The following IL3RA variants were observed in gnomAD, a reference collection of about 807,000 sequenced individuals.
IL3RA encodes interleukin 3 receptor subunit alpha, also known as interleukin-3 receptor subunit alpha.
A neutral mutation model predicts 52.3 loss-of-function variants in IL3RA; 73 were observed. The ratio of observed to expected loss-of-function variants is 1.40; its 90% CI spans 1.16 to 1.70. The LOEUF is 1.70. Among genes scored for constraint, IL3RA ranks in the 40% most tolerant of loss-of-function variants. The probability of loss-of-function intolerance (pLI) is 0.00; values close to 1 mark genes in which losing one functional copy is unlikely to be tolerated. For synonymous variants in IL3RA, 260 were observed against 194.0 expected, an observed-to-expected ratio of 1.34 and a Z score of -2.83; for missense variants, 664 against 504.4, an observed-to-expected ratio of 1.32 and a Z score of -3.03.
chrX:1,339,289 T>C (rs1426304130), intron 1 of IL3RA, among the ~76,000 whole-genome samples: 1 of 152,180 alleles, frequency 6.6e-6, no homozygotes, highest in African/African-American at 2.4e-5. Flanking sequence ...AAGGAGACTC[T>C]AGAGATTGCC....
intron 2 of IL3RA, among the ~76,000 whole-genome samples, chrX:1,342,668 C>G (rs1489903678): frequency 1.4e-5 from 2 of 147,682 alleles, no homozygotes; most frequent in Non-Finnish European, 3.0e-5. Flanking sequence ...TCAATTGATT[C>G]TCCTGTCTCA....
rs1334767708 is a variant in IL3RA at position 1,370,767 on chromosome X, G to A, written c.874+5515G>A. 4.2e-5 allele frequency among the ~76,000 whole-genome samples: 3 copies of A among 71,344 alleles called. 1 individual carries two copies. Among genetic ancestry groups the A allele is most frequent in the African/African-American group, 8.1e-5 (1 of 12,372 alleles). 46.8% of individuals were successfully genotyped at this position (71,344 alleles called of 152,430 possible). A position where few individuals can be genotyped will look rare whatever the true frequency, so the allele number is the denominator to read the frequency against. On this transcript the variant is annotated intron_variant, in intron 9 of 11. Transcript: ENST00000331035. ...ACTAAGCCATCTCATAAGAAGAGAC[G>A]AGGACACAGACACACAGAGAGGGAC... is the stretch of plus-strand genomic sequence containing the variant.
In IL3RA at chrX:1,348,690, C is replaced by T. The variant is rs867789436; in HGVS notation, c.298+145C>T. On this transcript the variant is annotated intron_variant, in intron 4 of 11. Coordinates refer to ENST00000331035, the MANE Select transcript of IL3RA (RefSeq NM_002183.4). ...TCTTTCTTTCTTTCTTTCTTTCTTTCTTTTTCTTTCTTTCTGTTTCTGTTT... is the reference window on the plus strand; with the variant it reads ...TCTTTCTTTCTTTCTTTCTTTCTTTTTTTTTCTTTCTTTCTGTTTCTGTTT... The T allele has an allele frequency of 1.2e-4, 57 of 481,730 alleles. No individual in the cohort carries two copies. The East Asian group carries it at 1.8e-3, about 15-fold the overall frequency. 29.8% of individuals were successfully genotyped at this position (481,730 alleles called of 1,614,324 possible).
chrX:1,356,605 T>TA (rs1490456287), intron 7 of IL3RA, among the ~76,000 whole-genome samples: 5 of 151,938 alleles, frequency 3.3e-5, no homozygotes, highest in Admixed American at 2.6e-4. Context: ...CCGTCTCTAC[T>TA]AAAAATACGA....
At chrX:1,353,977 CCCCCAT>C (rs2086398409) in intron 6 of IL3RA, among the ~76,000 whole-genome samples, 1 of 75,580 alleles carries the variant, frequency 1.3e-5, no homozygotes, top group Non-Finnish European at 2.7e-5. Context: ...GGGACCCCCA[CCCCCAT>C]CATGGGTCAT....
intron 1 of IL3RA, among the ~76,000 whole-genome samples, chrX:1,339,315 G>A (rs1483416559): frequency 6.6e-6 from 1 of 152,140 alleles, no homozygotes; most frequent in Non-Finnish European, 1.5e-5. Flanking sequence ...CCTTGGAGGT[G>A]GGCTGCGGTC....
chrX:1,347,852 C>G (rs1455231586), intron 3 of IL3RA, among the ~76,000 whole-genome samples: 1 of 149,662 alleles, frequency 6.7e-6, no homozygotes. Flanking sequence ...TCCTGGCTAA[C>G]ACGGTGAAAC....
At chrX:1,377,626 G>T (rs143265200) in intron 9 of IL3RA, among the ~76,000 whole-genome samples, 5,128 of 151,372 alleles carry the variant, frequency 0.034, 123 homozygotes, top group Middle Eastern at 0.062. Context: ...TTCCAAATAA[G>T]GTTATCGTCA....
intron 11 of IL3RA, among the ~76,000 whole-genome samples, chrX:1,381,692 G>A (rs1247926106): frequency 1.3e-5 from 2 of 151,410 alleles, no homozygotes; most frequent in Admixed American, 6.6e-5. Flanking sequence ...CTACAGGCAC[G>A]CACCGACACG....
rs1313378193 is a variant in IL3RA at position 1,341,120 on chromosome X, A to AAAAT, written c.-38-589_-38-586dup. Among the ~76,000 whole-genome samples the AAAAT allele has an allele frequency of 1.3e-4, 19 of 151,514 alleles. 1 individual carries two copies. Among genetic ancestry groups the AAAAT allele is most frequent in the East Asian group, 1.9e-4 (1 of 5,164 alleles). On this transcript the variant is annotated intron_variant, in intron 1 of 11. Coordinates refer to ENST00000331035, the MANE Select transcript of IL3RA (RefSeq NM_002183.4). The stretch of plus-strand genomic sequence containing the variant: ...CAACAAGAGCAAAACTCTGTCACAA[A>AAAAT]AAATAAATAAATAAATAAATAATAC...
At chrX:1,365,862 G>C (rs1603448244) in intron 9 of IL3RA, among the ~76,000 whole-genome samples, 2 of 32,950 alleles carry the variant, frequency 6.1e-5, no homozygotes, top group Non-Finnish European at 4.7e-5. Flanking sequence ...CGGGGTGAGC[G>C]GGGTGCGCGG....
At chrX:1,344,668 G>A (rs773770096) in intron 2 of IL3RA, among the ~76,000 whole-genome samples, 1 of 147,594 alleles carries the variant, frequency 6.8e-6, no homozygotes, top group Admixed American at 6.8e-5. Context: ...AGCTACTCGG[G>A]AGGCTGAGGC....
chrX:1,367,734 AGCGGGGTGC>A (rs1176571728), intron 9 of IL3RA, among the ~76,000 whole-genome samples: 9 of 96,174 alleles, frequency 9.4e-5, no homozygotes, highest in South Asian at 3.7e-4. Flanking sequence ...GCGCCGGGTG[AGCGGGGTGC>A]GCGGGGTGAG....
intron 9 of IL3RA, among the ~76,000 whole-genome samples, chrX:1,367,815 C>CGCGGGGTGAGCGGGGTGA (rs1454203213): frequency 2.1e-5 from 3 of 143,828 alleles, no homozygotes; most frequent in African/African-American, 7.9e-5. Flanking sequence ...GAGCGGGGTG[C>CGCGGGGTGAGCGGGGTGA]GCGGGGTGAG....
intron 10 of IL3RA, among the ~76,000 whole-genome samples, chrX:1,380,774 CTT>C (rs1432558392): frequency 6.6e-6 from 1 of 151,528 alleles, no homozygotes; most frequent in Middle Eastern, 3.2e-3. Context: ...AGGGGTCTGT[CTT>C]TGCAGCTGCA....
rs750016916 is a variant in IL3RA, at chrX:1,338,924, T to C, written c.-39+1998T>C. Among the ~76,000 whole-genome samples, 340 of 152,198 alleles carry C rather than the reference T, an allele frequency of 2.2e-3. 3 individuals carry two copies. The highest frequency in any genetic ancestry group is 8.0e-3 in the African/African-American group (331 of 41,524). ...AAGCAATTCTCCTGCCTCAGCCTCC[T>C]GAGTAGCTGGGACTACAGGCACCCG... On this transcript the variant is annotated intron_variant, in intron 1 of 11. Coordinates refer to ENST00000331035, the MANE Select transcript of IL3RA (RefSeq NM_002183.4).
chrX:1,341,830 G>A lies in IL3RA; in HGVS notation c.64+1G>A. The A allele has an allele frequency of 6.2e-7, 1 of 1,613,908 alleles. No homozygotes were observed. The highest frequency in any genetic ancestry group is 8.5e-7 in the Non-Finnish European group (1 of 1,179,840). On this transcript the variant is annotated splice_donor_variant, in intron 2 of 11. Coordinates refer to ENST00000331035, the MANE Select transcript of IL3RA (RefSeq NM_002183.4). LOFTEE classifies it high-confidence loss of function. ...CCCTGTCTCCTGCAAACGAAGGAAGGTAAGAACTGGAGAAAAAATGCACGT... is the reference window on the plus strand; with the variant it reads ...CCCTGTCTCCTGCAAACGAAGGAAGATAAGAACTGGAGAAAAAATGCACGT...
At chrX:1,343,674 A>AC (rs1569519440) in intron 2 of IL3RA, among the ~76,000 whole-genome samples, 1 of 150,384 alleles carries the variant, frequency 6.6e-6, no homozygotes, top group African/African-American at 2.5e-5. Context: ...CTCAAAAAAA[A>AC]AAAAAAAAAA....
intron 2 of IL3RA, among the ~76,000 whole-genome samples, chrX:1,344,835 A>T (rs2148898080): frequency 6.6e-6 from 1 of 151,570 alleles, no homozygotes; most frequent in South Asian, 2.1e-4. Flanking sequence ...GGCTAACTCC[A>T]CGGGCAAAAA....
Sources: gnomAD v4.1 joint callset for allele counts (sites outside exome capture counted in the v4.1 genomes callset) on GRCh38, gnomAD v4.1.1 for gene constraint, MANE v1.5 for transcripts, NCBI Gene and HGNC (gene_info 2026-07-23, HGNC 2026-07-21) for gene names.